Variants in DKK3 observed in about 807,000 individuals in gnomAD.
The protein encoded by DKK3 is dickkopf-related protein 3.
In DKK3, 22 loss-of-function variants were observed where a neutral mutation model predicts 33.2. The observed-to-expected ratio is 0.66, with a 90% CI of 0.47 to 0.95. The LOEUF (loss-of-function observed/expected upper bound fraction) is 0.95. DKK3 is among the 40% of genes least tolerant of loss of function. The pLI, the probability that DKK3 is intolerant of heterozygous loss-of-function variation, is 0.00. For synonymous variants in DKK3, 194 were observed against 188.8 expected (o/e 1.03, Z -0.23); for missense variants, 398 against 458.4 (o/e 0.87, Z 1.20).
chr11:11,999,653 C>CAGAA (rs780777713), intron 2 of DKK3, among the ~76,000 whole-genome samples: 60 of 150,048 alleles, frequency 4.0e-4, no homozygotes, highest in Non-Finnish European at 5.3e-4. Flanking sequence ...AACAAACAAA[C>CAGAA]AGAAAGAAAG....
intron 5 of DKK3, 34 bp downstream of exon 5, chr11:11,966,919 AG>A (rs749006236): frequency 2.5e-6 from 4 of 1,608,622 alleles, no homozygotes; most frequent in Non-Finnish European, 3.4e-6. Context: ...AGCTTGGGAC[AG>A]GGTTTTTCCT....
At chr11:11,978,985 G>A (rs72857664) in intron 3 of DKK3, 21,631 of 152,278 alleles carry the variant, frequency 0.14, 1,924 homozygotes, top group Middle Eastern at 0.39. Flanking sequence ...CTCCTGCTAG[G>A]TCAGGCAGCA....
At chr11:11,996,719 C>T (rs1038437221) in intron 3 of DKK3, among the ~76,000 whole-genome samples, 7 of 152,190 alleles carry the variant, frequency 4.6e-5, no homozygotes, top group South Asian at 2.1e-4. Flanking sequence ...GCCTCCAGCA[C>T]GTGGGGTACT....
At chr11:12,000,359 A>C (rs1034479026) in intron 2 of DKK3, among the ~76,000 whole-genome samples, 2 of 151,984 alleles carry the variant, frequency 1.3e-5, no homozygotes, top group Non-Finnish European at 2.9e-5. Flanking sequence ...GGTGCGTGCC[A>C]CCATGCCCAG....
Position 12,008,242 on chromosome 11 carries a change from G to A in DKK3, c.213+128C>T. ...GCTGCCTCCAGGTCACTCCGCATCT[G>A]CTGTCGGCCCTTCCCAGGCCCTGCG... On this transcript the variant is annotated intron_variant, in intron 1 of 6. Coordinates refer to ENST00000683431, the MANE Select transcript of DKK3 (RefSeq NM_001018057.2). This position sits in a 1 kb window ranked among gnomAD's most constrained non-coding sequence, Gnocchi z 4.6. 2 of 1,239,552 alleles carry A rather than the reference G, an allele frequency of 1.6e-6. No individual in the cohort carries two copies. Among genetic ancestry groups the A allele is most frequent in the Non-Finnish European group, 2.2e-6 (2 of 916,918 alleles). 76.8% of individuals were successfully genotyped at this position (1,239,552 alleles called of 1,614,324 possible).
Position 11,964,259 on chromosome 11 carries a change from C to G in DKK3, c.*205G>C. 2 of 663,242 alleles carry G rather than the reference C, an allele frequency of 3.0e-6. No individual in the cohort carries two copies. Among genetic ancestry groups the G allele is most frequent in the Non-Finnish European group, 5.1e-6 (2 of 394,448 alleles). 41.1% of individuals were successfully genotyped at this position (663,242 alleles called of 1,614,324 possible). On this transcript the variant is annotated 3_prime_UTR_variant, in exon 7 of 7. Coordinates refer to ENST00000683431, the MANE Select transcript of DKK3 (RefSeq NM_001018057.2). ...GCTCCTGCAGTTTAACCCTGCCTGA[C>G]TCTCCCAAGCACCAGACTGTGAAGC...
chr11:11,966,523 T>G (rs1341297218), intron 5 of DKK3, among the ~76,000 whole-genome samples: 4 of 152,032 alleles, frequency 2.6e-5, no homozygotes, highest in Admixed American at 2.6e-4. Context: ...GGGCTGGGGA[T>G]GCAGAGCTGG....
chr11:11,993,070 A>G (rs973352892), intron 3 of DKK3, among the ~76,000 whole-genome samples: 3 of 152,228 alleles, frequency 2.0e-5, no homozygotes, highest in African/African-American at 7.2e-5. Flanking sequence ...GTATCTCTCA[A>G]AATTTTAGAT....
chr11:11,970,156 A>G (rs1406246273), intron 3 of DKK3, among the ~76,000 whole-genome samples: 1 of 152,204 alleles, frequency 6.6e-6, no homozygotes. Flanking sequence ...CATTTGGGAG[A>G]AAGGAAGGGC....
At chr11:12,009,420 G>A, upstream of DKK3, 1 of 963,740 alleles carries the variant, frequency 1.0e-6, no homozygotes, top group Middle Eastern at 5.3e-4. Flanking sequence ...CCCGCGGAGG[G>A]GCCGCAGCCC....
intron 1 of DKK3, among the ~76,000 whole-genome samples, chr11:12,007,854 CTG>C (rs1241944232): frequency 6.6e-6 from 1 of 152,238 alleles, no homozygotes; most frequent in African/African-American, 2.4e-5. Flanking sequence ...TCTTCCCTCT[CTG>C]CCCCCACATT....
intron 3 of DKK3, among the ~76,000 whole-genome samples, chr11:11,988,986 C>A (rs901077017): frequency 1.3e-5 from 2 of 152,140 alleles, no homozygotes; most frequent in African/African-American, 4.8e-5. Flanking sequence ...ACAGCAGGGG[C>A]CAGGAATTTT....
chr11:11,972,390 C>T (rs1300452917), intron 3 of DKK3, among the ~76,000 whole-genome samples: 2 of 152,188 alleles, frequency 1.3e-5, no homozygotes, highest in African/African-American at 4.8e-5. Context: ...GGTCAGCACT[C>T]GGGGATCAAA....
intron 1 of DKK3, among the ~76,000 whole-genome samples, chr11:12,003,916 T>C (rs1590558849): frequency 6.6e-6 from 1 of 152,198 alleles, no homozygotes; most frequent in East Asian, 1.9e-4. Flanking sequence ...AAACTCAAAG[T>C]GTGAATAAAA....
intron 3 of DKK3, among the ~76,000 whole-genome samples, chr11:11,996,965 G>A (rs1166606118): frequency 6.6e-6 from 1 of 152,236 alleles, no homozygotes; most frequent in Admixed American, 6.5e-5. Context: ...AAAAGTGCAG[G>A]CAACCAGTTT....
intron 1 of DKK3, 84 bp from the exon 2 acceptor site, chr11:12,002,521 C>G: frequency 6.9e-7 from 1 of 1,451,642 alleles, no homozygotes; most frequent in Non-Finnish European, 9.4e-7. Flanking sequence ...ATCTCTTTTC[C>G]TCTTCTGCAA....
At chr11:11,977,354 G>A (rs78478999) in intron 3 of DKK3, among the ~76,000 whole-genome samples, 1,636 of 151,572 alleles carry the variant, frequency 0.011, 21 homozygotes, top group African/African-American at 0.037. Flanking sequence ...TCTCTTTGTC[G>A]GTCCCTGGAA....
At position 12,002,414 on chromosome 11, in the gene DKK3, A is replaced by G. The variant is rs1848449555; in HGVS notation, c.237T>C (p.Ala79=). Reference sequence around the variant, plus strand: ...CCAGGTTCACTTCTGATGATGCTTTAGCAGCAGCTTCTTCTGCCTCCATCT... The same window carrying G: ...CCAGGTTCACTTCTGATGATGCTTTGGCAGCAGCTTCTTCTGCCTCCATCT... ...VEEMEAEEAA[A]KASSEVNLAN... Residue 79 remains alanine (A), a synonymous_variant, in exon 2 of 7, where the codon GCT becomes GCC. Transcript: ENST00000683431. The G allele has an allele frequency of 6.2e-7, 1 of 1,613,852 alleles. No homozygotes were observed. Among genetic ancestry groups the G allele is most frequent in the Non-Finnish European group, 8.5e-7 (1 of 1,179,890 alleles).
intron 3 of DKK3, among the ~76,000 whole-genome samples, chr11:11,983,353 A>G (rs1170967739): frequency 1.3e-5 from 2 of 152,236 alleles, no homozygotes; most frequent in Non-Finnish European, 2.9e-5. Flanking sequence ...CCCTAGGCAC[A>G]TGGACTTGAG....
Sources: allele counts gnomAD v4.1 joint callset (sites outside exome capture counted in the v4.1 genomes callset), GRCh38; gene constraint gnomAD v4.1.1; non-coding constraint Gnocchi (gnomAD v3.1); transcripts MANE v1.5; gene names NCBI Gene and HGNC (gene_info 2026-07-23, HGNC 2026-07-21).